Variants in PWWP2A observed in about 807,000 individuals in gnomAD.
The protein encoded by PWWP2A is PWWP domain containing 2A, also known as PWWP domain-containing protein 2A.
In PWWP2A, 18 loss-of-function variants were observed where a neutral mutation model predicts 48.5. The ratio of observed to expected loss-of-function variants is 0.37; its 90% CI spans 0.26 to 0.55. The LOEUF (loss-of-function observed/expected upper bound fraction) is 0.55. Ranked by LOEUF, PWWP2A falls within the 20% of genes least tolerant of loss-of-function variation. The pLI, the probability that PWWP2A is intolerant of heterozygous loss-of-function variation, is 0.81. For synonymous variants in PWWP2A, 396 were observed against 387.7 expected (o/e 1.02, Z -0.25); for missense variants, 867 against 976.4 (o/e 0.89, Z 1.49).
chr5:160,093,540 T>C lies in PWWP2A; in HGVS notation c.1110A>G (p.Lys370=). ...TVNKKLKTDH[K]VDGKNQNESQ... ...TTTCATTTTGGTTTTTCCCATCCAC[T>C]TTATGGTCAGTTTTCAGTTTTTTGT... The change falls in exon 2 of 2, where the codon AAA becomes AAG. Residue 370 remains lysine, a synonymous_variant. Coordinates refer to ENST00000307063, the MANE Select transcript of PWWP2A (RefSeq NM_001130864.2). This position sits in a 1 kb window ranked among gnomAD's most constrained non-coding sequence, Gnocchi z 5.8. 1 of 1,613,776 alleles carries C rather than the reference T, an allele frequency of 6.2e-7. No individual in the cohort carries two copies. Among genetic ancestry groups the C allele is most frequent in the Non-Finnish European group, 8.5e-7 (1 of 1,179,842 alleles).
rs1754032428 is a variant in PWWP2A at position 160,078,838 on chromosome 5, C to T, written c.1670-670G>A. Among the ~76,000 whole-genome samples the T allele has an allele frequency of 6.6e-6, 1 of 152,198 alleles. No individual in the cohort carries two copies. Among genetic ancestry groups the T allele is most frequent in the African/African-American group, 2.4e-5 (1 of 41,462 alleles). ...TTGTTACACCAGCAAACGTGATTCT[C>T]AGCAGAGGCCTCTTCACCATACCTC... On this transcript the variant is annotated intron_variant, in intron 3 of 3. Coordinates refer to the PWWP2A transcript ENST00000456329. This position sits in a 1 kb window ranked among gnomAD's most constrained non-coding sequence, Gnocchi z 4.2.
chr5:160,084,942 C>T (rs540890294), intron 2 of PWWP2A, among the ~76,000 whole-genome samples: 1 of 151,112 alleles, frequency 6.6e-6, no homozygotes, highest in Admixed American at 6.6e-5. Context: ...AAATGAGGGA[C>T]ACTGAAGGGT....
the PWWP2A span, among the ~76,000 whole-genome samples, chr5:160,048,126 CTTTTTT>C: frequency 2.8e-5 from 1 of 35,570 alleles, no homozygotes; most frequent in African/African-American, 1.2e-4. Context: ...CAAGACATTG[CTTTTTT>C]TTTTTTTTTT....
At chr5:160,101,806 TA>T (rs34950891) in intron 1 of PWWP2A, among the ~76,000 whole-genome samples, 5,496 of 132,300 alleles carry the variant, frequency 0.042, 155 homozygotes, top group African/African-American at 0.089. Flanking sequence ...AACCAACTAT[TA>T]AAAAAAAAAA....
At chr5:160,081,308 G>A (rs972225982) in intron 2 of PWWP2A, among the ~76,000 whole-genome samples, 1 of 138,266 alleles carries the variant, frequency 7.2e-6, no homozygotes, top group Admixed American at 8.1e-5. Flanking sequence ...GCACGATCTC[G>A]GCTCACTGCA....
intron 1 of PWWP2A, among the ~76,000 whole-genome samples, chr5:160,100,655 GC>G (rs1372305350): frequency 6.6e-6 from 1 of 152,164 alleles, no homozygotes; most frequent in Admixed American, 6.5e-5. Context: ...TTTATTTTGA[GC>G]CAATGATTTT....
rs1300790160 is a variant in PWWP2A at position 160,092,859 on chromosome 5, C to T, written c.1791G>A (p.Glu597=). ...STDDLKSSNS[E]CSSSESFDFP... ...AATCAAAGCTTTCAGAAGAACTACA[C>T]TCAGAGTTGGAAGATTTCAAATCAT... Residue 597 remains glutamate, a synonymous_variant, in exon 2 of 2, where the codon GAG becomes GAA. Transcript: ENST00000307063. The T allele has an allele frequency of 6.4e-7, 1 of 1,551,724 alleles. No individual in the cohort carries two copies. The highest frequency in any genetic ancestry group is 2.0e-5 in the Admixed American group (1 of 51,014).
At chr5:160,112,532 T>C (rs924181737) in intron 1 of PWWP2A, among the ~76,000 whole-genome samples, 8 of 152,114 alleles carry the variant, frequency 5.3e-5, no homozygotes, top group African/African-American at 1.9e-4. Flanking sequence ...AGGCATCCAG[T>C]GTTAAGTAAA....
downstream of PWWP2A, among the ~76,000 whole-genome samples, chr5:160,087,104 C>T (rs978596075): frequency 2.0e-5 from 3 of 152,138 alleles, no homozygotes; most frequent in Non-Finnish European, 2.9e-5. Flanking sequence ...TGGCCGAGCA[C>T]GGTGGCTCAT....
chr5:160,105,227 C>A, intron 1 of PWWP2A, among the ~76,000 whole-genome samples: 1 of 110,804 alleles, frequency 9.0e-6, no homozygotes, highest in Non-Finnish European at 1.7e-5. Flanking sequence ...AACAGAGACT[C>A]TGTCTCTAAG....
downstream of PWWP2A, chr5:160,089,627 G>GA (rs1476312580): frequency 2.3e-6 from 3 of 1,288,032 alleles, no homozygotes; most frequent in Middle Eastern, 4.3e-4. Flanking sequence ...AGTAAAAAGG[G>GA]AAAAATACTC....
chr5:160,055,499 A>G, the PWWP2A span, among the ~76,000 whole-genome samples: 2 of 152,234 alleles, frequency 1.3e-5, no homozygotes, highest in Admixed American at 6.5e-5. Context: ...AAGCAAGTTA[A>G]CCTTTTGGAG....
At chr5:160,113,689 G>T (rs945528301) in intron 1 of PWWP2A, among the ~76,000 whole-genome samples, 1 of 152,204 alleles carries the variant, frequency 6.6e-6, no homozygotes, top group Non-Finnish European at 1.5e-5. Flanking sequence ...TCCGGAGCCA[G>T]GTTTCACAGC....
intron 1 of PWWP2A, among the ~76,000 whole-genome samples, chr5:160,109,767 AAAAAAAAATATAT>A (rs1157426375): frequency 2.1e-4 from 15 of 72,730 alleles, no homozygotes; most frequent in East Asian, 1.1e-3. Context: ...GAAAAAAAAA[AAAAAAAAATATAT>A]ATATATATAT....
chr5:160,095,096 A>G (rs1176217341), intron 1 of PWWP2A, among the ~76,000 whole-genome samples: 7 of 146,688 alleles, frequency 4.8e-5, no homozygotes, highest in Non-Finnish European at 9.0e-5. Flanking sequence ...ATGAATGTAT[A>G]CATGCATCCA....
At chr5:160,114,153 G>A (rs905642252) in intron 1 of PWWP2A, among the ~76,000 whole-genome samples, 1 of 152,184 alleles carries the variant, frequency 6.6e-6, no homozygotes, top group Non-Finnish European at 1.5e-5. Flanking sequence ...CCTTAGTAGA[G>A]TCTAAAGTAT....
intron 2 of PWWP2A, among the ~76,000 whole-genome samples, chr5:160,069,135 A>G (rs925191055): frequency 2.0e-5 from 3 of 151,874 alleles, no homozygotes; most frequent in Non-Finnish European, 4.4e-5. Context: ...TCTACAAAAA[A>G]CTACTTGGGT....
At chr5:160,068,909 C>G (rs931103403) in intron 2 of PWWP2A, among the ~76,000 whole-genome samples, 1 of 152,136 alleles carries the variant, frequency 6.6e-6, no homozygotes, top group Non-Finnish European at 1.5e-5. Flanking sequence ...TATCTGTTAC[C>G]TCAAGATCAA....
In PWWP2A at chr5:160,093,356, A is replaced by T. The variant is rs1253657484; in HGVS notation, c.1294T>A (p.Leu432Ile). The T allele has an allele frequency of 6.2e-7, 1 of 1,613,726 alleles. No homozygotes were observed. The highest frequency in any genetic ancestry group is 1.3e-5 in the African/African-American group (1 of 74,918). Residue 432 changes from leucine to isoleucine, a missense_variant, in exon 2 of 2, where the codon TTA becomes ATA. By Grantham distance (5) the Leu-to-Ile change is conservative. Transcript: ENST00000307063. The surrounding 1 kb of genome is among the most constrained non-coding windows in gnomAD (Gnocchi z 5.8). ...NMDHAKAREV[L>I]KIAKEKAQKK... Reference sequence around the variant, plus strand: ...TGTGCCTTTTCTTTGGCAATTTTTAACACTTCCCGAGCTTTCGCATGATCC... The same window carrying T: ...TGTGCCTTTTCTTTGGCAATTTTTATCACTTCCCGAGCTTTCGCATGATCC...
Sources: allele counts gnomAD v4.1 joint callset (sites outside exome capture counted in the v4.1 genomes callset), GRCh38; gene constraint gnomAD v4.1.1; non-coding constraint Gnocchi (gnomAD v3.1); transcripts MANE v1.5; gene names NCBI Gene and HGNC (gene_info 2026-07-23, HGNC 2026-07-21).